LRP1B: variants seen among roughly 807,000 people sequenced by gnomAD.
The protein encoded by LRP1B is low-density lipoprotein receptor-related protein 1B.
In LRP1B, 217 loss-of-function variants were observed where a neutral mutation model predicts 556.6. That is an observed-to-expected ratio of 0.39 (90% CI 0.35 to 0.44). The LOEUF (loss-of-function observed/expected upper bound fraction) is 0.44, where lower values mean the gene tolerates loss of function less well. Ranked by LOEUF, LRP1B falls within the 20% of genes least tolerant of loss-of-function variation. The pLI is 1.00. For synonymous variants in LRP1B, 2,047 were observed against 1,865.8 expected, an observed-to-expected ratio of 1.10 and a Z score of -2.50; for missense variants, 5,053 against 5,620.8, an observed-to-expected ratio of 0.90 and a Z score of 3.23.
chr2:141,854,490 T>A (rs1697979230), intron 1 of LRP1B, among the ~76,000 whole-genome samples: 2 of 152,074 alleles, frequency 1.3e-5, no homozygotes, highest in Admixed American at 1.3e-4. Flanking sequence ...AATCAAGACA[T>A]TAGATGAAAA....
At chr2:141,626,526 C>T (rs1355575931) in intron 2 of LRP1B, among the ~76,000 whole-genome samples, 3 of 152,024 alleles carry the variant, frequency 2.0e-5, no homozygotes, top group Admixed American at 6.5e-5. Flanking sequence ...GAGAAGCCAT[C>T]GACCGGGAGA....
At chr2:142,012,716 T>G (rs1702994763) in intron 1 of LRP1B, among the ~76,000 whole-genome samples, 1 of 152,190 alleles carries the variant, frequency 6.6e-6, no homozygotes, top group African/African-American at 2.4e-5. Context: ...TTATTTACCT[T>G]ACTGCATGGT....
intron 25 of LRP1B, 99 bp downstream of exon 25, chr2:140,883,717 AC>A: frequency 8.6e-7 from 1 of 1,165,004 alleles, no homozygotes; most frequent in Non-Finnish European, 1.2e-6. Context: ...GCACAAAATA[AC>A]CACTTTGACT....
At chr2:141,824,293 T>G (rs79565475) in intron 1 of LRP1B, among the ~76,000 whole-genome samples, 13,511 of 152,268 alleles carry the variant, frequency 0.089, 632 homozygotes, top group South Asian at 0.13. Flanking sequence ...GAGAGTTAAA[T>G]GACTTTTTCA....
chr2:141,962,497 T>C (rs1701429467), intron 1 of LRP1B, among the ~76,000 whole-genome samples: 1 of 151,830 alleles, frequency 6.6e-6, no homozygotes, highest in Admixed American at 6.6e-5. Flanking sequence ...TGGATTAGAC[T>C]GTGCAAATAT....
intron 20 of LRP1B, among the ~76,000 whole-genome samples, chr2:140,945,926 G>T (rs13005358): frequency 0.028 from 4,262 of 152,144 alleles, 63 homozygotes; most frequent in African/African-American, 0.038. Flanking sequence ...CAGACAACCT[G>T]CAGAATGGGG....
chr2:141,515,827 T>G (rs1684295115), intron 2 of LRP1B, among the ~76,000 whole-genome samples: 1 of 152,210 alleles, frequency 6.6e-6, no homozygotes, highest in African/African-American at 2.4e-5. Flanking sequence ...AGAAGTAACA[T>G]TAATATGAAC....
intron 82 of LRP1B, among the ~76,000 whole-genome samples, chr2:140,321,162 AACT>A (rs1680098567): frequency 6.6e-6 from 1 of 152,132 alleles, no homozygotes; most frequent in South Asian, 2.1e-4. Context: ...AATATGAGGT[AACT>A]TATTTATTGT....
chr2:141,006,400 T>C (rs1023191519), intron 14 of LRP1B, among the ~76,000 whole-genome samples: 14 of 152,142 alleles, frequency 9.2e-5, no homozygotes, highest in African/African-American at 3.1e-4. Context: ...AGCTGTAACG[T>C]TGTATCCTTT....
At chr2:140,922,306 GCA>G (rs1223817168) in intron 21 of LRP1B, among the ~76,000 whole-genome samples, 12 of 132,504 alleles carry the variant, frequency 9.1e-5, no homozygotes, top group Admixed American at 1.5e-4. Flanking sequence ...ACGCACACAC[GCA>G]CACACACGCA....
At chr2:140,649,893 T>A (rs927539426) in intron 41 of LRP1B, among the ~76,000 whole-genome samples, 7 of 152,236 alleles carry the variant, frequency 4.6e-5, no homozygotes, top group African/African-American at 1.7e-4. Flanking sequence ...TTTGTGCTAA[T>A]GTATCCATAC....
chr2:141,098,495 G>C (rs923809833), intron 7 of LRP1B, among the ~76,000 whole-genome samples: 1 of 152,124 alleles, frequency 6.6e-6, no homozygotes, highest in Non-Finnish European at 1.5e-5. Flanking sequence ...TAGCACCACT[G>C]TTTCCCTATA....
chr2:142,022,670 A>AT (rs1457559579), intron 1 of LRP1B, among the ~76,000 whole-genome samples: 2 of 151,754 alleles, frequency 1.3e-5, no homozygotes, highest in Admixed American at 6.6e-5. Flanking sequence ...ATTTTATTTT[A>AT]TTTATTTATT....
intron 7 of LRP1B, among the ~76,000 whole-genome samples, chr2:141,182,032 G>T (rs1322442012): frequency 6.6e-6 from 1 of 151,912 alleles, no homozygotes; most frequent in East Asian, 1.9e-4. Context: ...ATCCTGAAAG[G>T]AACTTGAATT....
intron 66 of LRP1B, among the ~76,000 whole-genome samples, chr2:140,405,574 T>G (rs1684696137): frequency 6.6e-6 from 1 of 152,026 alleles, no homozygotes; most frequent in Non-Finnish European, 1.5e-5. Context: ...ATGAATACAT[T>G]TATGCATAGA....
intron 1 of LRP1B, among the ~76,000 whole-genome samples, chr2:142,037,077 C>A (rs1305068310): frequency 3.3e-5 from 5 of 151,602 alleles, no homozygotes; most frequent in African/African-American, 1.2e-4. Context: ...GGGCATCAGA[C>A]CTTTTCTTTA....
intron 79 of LRP1B, among the ~76,000 whole-genome samples, chr2:140,328,820 TACAC>T (rs35295294): frequency 2.8e-4 from 43 of 151,842 alleles, no homozygotes; most frequent in East Asian, 9.7e-4. Context: ...TTCATACACA[TACAC>T]ACACACATCT....
At chr2:140,258,099 C>T (rs1028100776) in intron 86 of LRP1B, among the ~76,000 whole-genome samples, 1 of 152,124 alleles carries the variant, frequency 6.6e-6, no homozygotes, top group East Asian at 1.9e-4. Flanking sequence ...TCCTCCCAAA[C>T]GTGTTGCAAC....
At chr2:141,950,743 T>C (rs574342376) in intron 1 of LRP1B, among the ~76,000 whole-genome samples, 1 of 152,282 alleles carries the variant, frequency 6.6e-6, no homozygotes, top group East Asian at 1.9e-4. Context: ...TTTTTGAATT[T>C]AAAAATATTA....
Sources: gnomAD v4.1 joint callset for allele counts (sites outside exome capture counted in the v4.1 genomes callset) on GRCh38, gnomAD v4.1.1 for gene constraint, MANE v1.5 for transcripts, NCBI Gene and HGNC (gene_info 2026-07-23, HGNC 2026-07-21) for gene names.